MYL3: variants seen among roughly 807,000 people sequenced by gnomAD.
MYL3 encodes the protein CMLC1.
In MYL3, 11 loss-of-function variants were observed where a neutral mutation model predicts 21.3. That is an observed-to-expected ratio of 0.52 (90% CI 0.32 to 0.85). MYL3 has a LOEUF of 0.85. Among genes scored for constraint, MYL3 ranks in the 40% least tolerant of loss-of-function variants. MYL3 has a pLI of 0.03. For synonymous variants in MYL3, 88 were observed against 91.6 expected (o/e 0.96, Z 0.22); for missense variants, 206 against 253.3 (o/e 0.81, Z 1.27).
chr3:46,873,674 G>A (rs1467636307), intron 1 of MYL3, among the ~76,000 whole-genome samples: 2 of 152,218 alleles, frequency 1.3e-5, no homozygotes, highest in Non-Finnish European at 2.9e-5. Context: ...AGGACAGGAT[G>A]TACTGGATGG....
intron 1 of MYL3, among the ~76,000 whole-genome samples, chr3:46,876,146 C>T (rs1575502129): frequency 6.6e-6 from 1 of 152,284 alleles, no homozygotes; most frequent in Admixed American, 6.5e-5. Flanking sequence ...AACTGCCCAA[C>T]TGTTAACAAC....
At chr3:46,867,188 A>G (rs1575499959), upstream of MYL3, among the ~76,000 whole-genome samples, 1 of 151,882 alleles carries the variant, frequency 6.6e-6, no homozygotes. Flanking sequence ...CGGACCTTCA[A>G]CCCAGACTCC....
Position 46,859,347 on chromosome 3 carries a change from C to T in MYL3, c.481+128G>A. ...CCTAAGTAACATTTCTGTTGTCTGC[C>T]ATTGAGGCTCCCTAATTATGTAACT... On this transcript the variant is annotated intron_variant, in intron 4 of 6. Coordinates refer to ENST00000292327, the MANE Select transcript of MYL3 (RefSeq NM_000258.3). This position sits in a 1 kb window ranked among gnomAD's most constrained non-coding sequence, Gnocchi z 4.1. 1 of 1,210,470 alleles carries T rather than the reference C, an allele frequency of 8.3e-7. No homozygotes were observed. Among genetic ancestry groups the T allele is most frequent in the South Asian group, 1.3e-5 (1 of 76,300 alleles). 75.0% of individuals were successfully genotyped at this position (1,210,470 alleles called of 1,614,324 possible). A position where few individuals can be genotyped will look rare whatever the true frequency, so the allele number is the denominator to read the frequency against.
intron 1 of MYL3, among the ~76,000 whole-genome samples, chr3:46,862,394 C>T (rs1446478171): frequency 6.6e-6 from 1 of 152,192 alleles, no homozygotes; most frequent in Non-Finnish European, 1.5e-5. Context: ...TGAACCCTTG[C>T]CTCAAAGGAC....
upstream of MYL3, among the ~76,000 whole-genome samples, chr3:46,867,826 C>T (rs577991956): frequency 1.4e-4 from 22 of 152,324 alleles, no homozygotes; most frequent in East Asian, 3.9e-3. Flanking sequence ...TGGGCAGGCC[C>T]GTAGGCTGCA....
In MYL3 at chr3:46,860,022, A is replaced by G. The variant is rs1701974053; in HGVS notation, c.308-374T>C. ...GATTGGGTCAGGAGCAGCTAGGCCA[A>G]TCAGAGACCTTCCCTGGGACTTTTG... On this transcript the variant is annotated intron_variant, in intron 3 of 6. Transcript: ENST00000292327. The surrounding 1 kb of genome is among the most constrained non-coding windows in gnomAD (Gnocchi z 4.6). Among the ~76,000 whole-genome samples, 1 of 151,070 alleles carries G rather than the reference A, an allele frequency of 6.6e-6. No homozygotes were observed. The highest frequency in any genetic ancestry group is 2.1e-4 in the South Asian group (1 of 4,780).
At position 46,858,063 on chromosome 3, in the gene MYL3, G is replaced by A; in HGVS notation, c.*52C>T. On this transcript the variant is annotated 3_prime_UTR_variant, in exon 7 of 7. Coordinates refer to ENST00000292327, the MANE Select transcript of MYL3 (RefSeq NM_000258.3). ...GGCCGCTGGTGTCAGCATCACACAT[G>A]GGAGATGAGACGTCCCTGCACAGCC... 3.9e-6 allele frequency: 3 copies of A among 765,126 alleles called. No individual in the cohort carries two copies. The South Asian group carries it at 4.8e-5, about 12-fold the overall frequency. The allele number at this position is 765,126 out of a possible 1,614,324, so 47.4% of individuals were successfully genotyped here.
chr3:46,861,124 G>T lies in MYL3; in HGVS notation c.130-137C>A, dbSNP rs1159201001. 1.1e-5 allele frequency: 11 copies of T among 1,004,312 alleles called. No homozygotes were observed. The highest frequency in any genetic ancestry group is 1.6e-5 in the Non-Finnish European group (10 of 643,994). The allele number at this position is 1,004,312 out of a possible 1,614,324, so 62.2% of individuals were successfully genotyped here. A position where few individuals can be genotyped will look rare whatever the true frequency, so the allele number is the denominator to read the frequency against. ...CCAGCATCCCAGCCTGCACCCCCAG[G>T]ACCTCCTGCAGTCCATCTTGACGCC... On this transcript the variant is annotated intron_variant, in intron 1 of 6. Coordinates refer to ENST00000292327, the MANE Select transcript of MYL3 (RefSeq NM_000258.3). The surrounding 1 kb of genome is among the most constrained non-coding windows in gnomAD (Gnocchi z 4.2).
At position 46,861,681 on chromosome 3, in the gene MYL3, C is replaced by T. The variant is rs1701994199; in HGVS notation, c.130-694G>A. Among the ~76,000 whole-genome samples, 1 of 152,166 alleles carries T rather than the reference C, an allele frequency of 6.6e-6. No individual in the cohort carries two copies. The highest frequency in any genetic ancestry group is 6.5e-5 in the Admixed American group (1 of 15,280). On this transcript the variant is annotated intron_variant, in intron 1 of 6. Transcript: ENST00000292327. The surrounding 1 kb of genome is among the most constrained non-coding windows in gnomAD (Gnocchi z 4.2). ...TGCTGCTGAGTGTTTGCTGAAGTCA[C>T]ATTGGGGCCACCTTGATTGACGTCA...
intron 1 of MYL3, among the ~76,000 whole-genome samples, chr3:46,870,481 C>T (rs991704293): frequency 6.5e-5 from 7 of 107,990 alleles, no homozygotes; most frequent in Non-Finnish European, 1.3e-4. Context: ...CCATGGTGGC[C>T]CCCTACACCC....
intron 1 of MYL3, among the ~76,000 whole-genome samples, chr3:46,869,629 G>A (rs369436217): frequency 1.1e-4 from 16 of 152,226 alleles, no homozygotes; most frequent in South Asian, 2.1e-4. Context: ...GGAGTGTGTC[G>A]TCTTGCGTGC....
In MYL3 at chr3:46,859,665, C is replaced by A. The variant is rs914051059; in HGVS notation, c.308-17G>T. On this transcript the variant is annotated splice_polypyrimidine_tract_variant and intron_variant, in intron 3 of 6. Coordinates refer to ENST00000292327, the MANE Select transcript of MYL3 (RefSeq NM_000258.3). This position sits in a 1 kb window ranked among gnomAD's most constrained non-coding sequence, Gnocchi z 4.1. ...TATTGAGCTCTGCAGAGAAATGGTC[C>A]CAGGTTCCAGGGTCTAAGGCTGGGG... 4.3e-6 allele frequency: 7 copies of A among 1,614,110 alleles called. No homozygotes were observed. The highest frequency in any genetic ancestry group is 5.9e-6 in the Non-Finnish European group (7 of 1,179,974).
rs1321039389 is a variant in MYL3 at position 46,879,746 on chromosome 3, G to A, written c.-218+2328C>T. ...TGGGTGACACAGCAAGACCCTGTCTGGGGAAAAAAAAAATGCTGCGTGTGG... is the reference window on the plus strand; with the variant it reads ...TGGGTGACACAGCAAGACCCTGTCTAGGGAAAAAAAAAATGCTGCGTGTGG... On this transcript the variant is annotated intron_variant, in intron 1 of 3. Transcript: ENST00000431168. The surrounding 1 kb of genome is among the most constrained non-coding windows in gnomAD (Gnocchi z 4.7). Among the ~76,000 whole-genome samples, 5 of 151,534 alleles carry A rather than the reference G, an allele frequency of 3.3e-5. No homozygotes were observed. Among genetic ancestry groups the A allele is most frequent in the Admixed American group, 3.3e-4 (5 of 15,216 alleles).
At position 46,859,479 on chromosome 3, in the gene MYL3, C is replaced by T. The variant is rs148365503; in HGVS notation, c.477G>A (p.Thr159=). Residue 159 remains threonine (T), a synonymous_variant, in exon 4 of 7, where the codon ACG becomes ACA. Coordinates refer to ENST00000292327, the MANE Select transcript of MYL3 (RefSeq NM_000258.3). This position sits in a 1 kb window ranked among gnomAD's most constrained non-coding sequence, Gnocchi z 4.1. ...MGAELRHVLA[T]LGERLTEDEV... The stretch of plus-strand genomic sequence containing the variant: ...AGGGGAGGAGGCTGCCCTCACCCAG[C>T]GTGGCCAGCACGTGGCGAAGCTCAG... The T allele has an allele frequency of 2.8e-5, 46 of 1,614,158 alleles. No homozygotes were observed. Among genetic ancestry groups the T allele is most frequent in the Middle Eastern group, 1.7e-4 (1 of 6,026 alleles).
rs772616358 is a variant in MYL3 at position 46,859,709 on chromosome 3, A to G, written c.308-61T>C. On this transcript the variant is annotated intron_variant, in intron 3 of 6. Coordinates refer to ENST00000292327, the MANE Select transcript of MYL3 (RefSeq NM_000258.3). The surrounding 1 kb of genome is among the most constrained non-coding windows in gnomAD (Gnocchi z 4.1). ...GCTGGGGTGGGCACACCCCTCCCCC[A>G]TGCCTGATAATGAGGAGCTATCCCC... 2.5e-6 allele frequency: 4 copies of G among 1,572,752 alleles called. No homozygotes were observed. The highest frequency in any genetic ancestry group is 3.5e-6 in the Non-Finnish European group (4 of 1,142,858).
intron 4 of MYL3, among the ~76,000 whole-genome samples, chr3:46,859,000 A>G (rs1316558869): frequency 2.6e-5 from 4 of 151,994 alleles, no homozygotes; most frequent in Admixed American, 2.0e-4. Flanking sequence ...AACAGTAGAC[A>G]CTCAAATGTT....
At position 46,863,264 on chromosome 3, in the gene MYL3, T is replaced by C. The variant is rs2106914291; in HGVS notation, c.127A>G (p.Lys43Glu). Reference protein sequence around the residue: ...KEVEFDASKIKIEFTPEQIEE... With the variant: ...KEVEFDASKIEIEFTPEQIEE... ...CACCACCCAGCTTCCATACCCACCT[T>C]GATCTTGGAAGCATCAAACTCGACC... The change falls in exon 1 of 7, where the codon AAG becomes GAG. Residue 43 changes from lysine to glutamate, a missense_variant and splice_region_variant. Physicochemically the swap from Lys to Glu is moderately conservative, Grantham distance 56. Transcript: ENST00000292327. 1 of 1,614,094 alleles carries C rather than the reference T, an allele frequency of 6.2e-7. No homozygotes were observed.
intron 1 of MYL3, among the ~76,000 whole-genome samples, chr3:46,881,378 C>T (rs2030549234): frequency 6.6e-6 from 1 of 152,208 alleles, no homozygotes; most frequent in African/African-American, 2.4e-5. Flanking sequence ...CTCCTCCTTG[C>T]CTTCCCCTAA....
upstream of MYL3, among the ~76,000 whole-genome samples, chr3:46,865,443 G>A (rs771515329): frequency 1.3e-5 from 2 of 152,272 alleles, no homozygotes; most frequent in African/African-American, 4.8e-5. The surrounding 1 kb of genome is among the most constrained non-coding windows in gnomAD (Gnocchi z 4.3). Flanking sequence ...CAGGCCTGCC[G>A]ACCCTCAGGA....
Sources: gnomAD v4.1 joint callset for allele counts (sites outside exome capture counted in the v4.1 genomes callset) on GRCh38, gnomAD v4.1.1 for gene constraint, Gnocchi (gnomAD v3.1) non-coding constraint, MANE v1.5 for transcripts, NCBI Gene and HGNC (gene_info 2026-07-23, HGNC 2026-07-21) for gene names.